Variants in CACNA1A observed in about 807,000 individuals in gnomAD.
CACNA1A encodes voltage-dependent P/Q-type calcium channel subunit alpha-1A.
A neutral mutation model predicts 262.4 loss-of-function variants in CACNA1A; 57 were observed. The observed-to-expected ratio is 0.22, with a 90% CI of 0.18 to 0.27. CACNA1A has a LOEUF of 0.27. Ranked by LOEUF, CACNA1A falls within the 10% of genes least tolerant of loss-of-function variation. CACNA1A has a pLI of 1.00. For missense variants in CACNA1A, 2,526 were observed against 3,562.8 expected, an observed-to-expected ratio of 0.71 and a Z score of 7.41; for synonymous variants, 1,431 against 1,419.3, an observed-to-expected ratio of 1.01 and a Z score of -0.18.
At position 13,207,662 on chromosome 19, in the gene CACNA1A, G is replaced by A. The variant is rs752420255; in HGVS notation, c.7172C>T (p.Pro2391Leu). Residue 2391 changes from proline (P) to leucine (L), a missense_variant, in exon 47 of 47, where the codon CCG becomes CTG. Pro to Leu is a moderately conservative substitution (Grantham distance 98). Around this residue, in one of 17 missense-constraint regions of CACNA1A, gnomAD observed 929 missense variants for 868.1 expected, o/e 1.07. Transcript: ENST00000360228. The surrounding 1 kb of genome is among the most constrained non-coding windows in gnomAD (Gnocchi z 5.7). The part of the protein sequence containing the change: ...RACRHGGARW[P>L]ASGPHVSEGP... The stretch of plus-strand genomic sequence containing the variant: ...CTCGGACACGTGCGGGCCAGATGCC[G>A]GCCACCGGGCCCCGCCGTGTCGACA... 9 of 1,441,384 alleles carry A rather than the reference G, an allele frequency of 6.2e-6. No homozygotes were observed. The highest frequency in any genetic ancestry group is 1.3e-5 in the South Asian group (1 of 74,502). 89.3% of individuals were successfully genotyped at this position (1,441,384 alleles called of 1,614,324 possible). A position where few individuals can be genotyped will look rare whatever the true frequency, so the allele number is the denominator to read the frequency against.
chr19:13,331,957 C>T (rs952275777), intron 9 of CACNA1A, among the ~76,000 whole-genome samples: 2 of 152,182 alleles, frequency 1.3e-5, no homozygotes, highest in Admixed American at 6.5e-5. Flanking sequence ...ACAGACAGAC[C>T]GCATCCAACC....
At chr19:13,275,534 T>C (rs925428663) in intron 24 of CACNA1A, 3 of 393,110 alleles carry the variant, frequency 7.6e-6, no homozygotes, top group South Asian at 2.7e-5. Flanking sequence ...TGTGGAGTAG[T>C]AGGGGGATGA....
chr19:13,449,347 C>T (rs944819787), intron 3 of CACNA1A, among the ~76,000 whole-genome samples: 18 of 152,052 alleles, frequency 1.2e-4, no homozygotes, highest in Admixed American at 1.2e-3. Flanking sequence ...GCTCTGTTGC[C>T]CAAGCTGGAG....
intron 3 of CACNA1A, among the ~76,000 whole-genome samples, chr19:13,437,691 CAAAAAA>C (rs35266881): frequency 1.4e-4 from 9 of 64,926 alleles, no homozygotes; most frequent in African/African-American, 3.4e-4. Context: ...AACCCCATCT[CAAAAAA>C]AAAAAAAAAA....
At chr19:13,298,233 C>T (rs1303280429) in intron 19 of CACNA1A, among the ~76,000 whole-genome samples, 2 of 148,908 alleles carry the variant, frequency 1.3e-5, no homozygotes, top group African/African-American at 5.0e-5. Context: ...TGTTTTCAGG[C>T]GATTCTCCTG....
intron 10 of CACNA1A, among the ~76,000 whole-genome samples, chr19:13,317,804 C>A (rs1322283555): frequency 6.6e-6 from 1 of 152,226 alleles, no homozygotes; most frequent in African/African-American, 2.4e-5. Flanking sequence ...CCTCTGCCTA[C>A]ATATAGTTTT....
At chr19:13,301,728 A>G (rs2057793350) in intron 17 of CACNA1A, among the ~76,000 whole-genome samples, 1 of 152,254 alleles carries the variant, frequency 6.6e-6, no homozygotes, top group Non-Finnish European at 1.5e-5. Context: ...GAACCCGCCC[A>G]TAAGAAAAGT....
intron 37 of CACNA1A, 148 bp from the exon 38 acceptor site, chr19:13,224,920 A>C (rs2144596101): frequency 1.7e-6 from 1 of 589,154 alleles, no homozygotes; most frequent in Non-Finnish European, 3.1e-6. Flanking sequence ...TACCTGTCCC[A>C]GTACTCAGTT....
chr19:13,348,999 C>T (rs1262683916), intron 6 of CACNA1A, among the ~76,000 whole-genome samples: 4 of 115,940 alleles, frequency 3.5e-5, no homozygotes, highest in East Asian at 3.5e-4. Flanking sequence ...CAGAGTGAGA[C>T]GCTGTCTCAA....
intron 19 of CACNA1A, among the ~76,000 whole-genome samples, chr19:13,293,440 T>TTTTTG (rs2057589374): frequency 1.8e-5 from 1 of 56,268 alleles, no homozygotes; most frequent in Non-Finnish European, 3.5e-5. Flanking sequence ...CAGTTAAATC[T>TTTTTG]TTTTTTTTTT....
intron 3 of CACNA1A, among the ~76,000 whole-genome samples, chr19:13,387,957 T>C (rs2059643306): frequency 6.6e-6 from 1 of 151,934 alleles, no homozygotes; most frequent in South Asian, 2.1e-4. Context: ...AATAGGCAGA[T>C]TAGGGGAGTG....
At chr19:13,355,330 G>C (rs1413182405) in intron 6 of CACNA1A, among the ~76,000 whole-genome samples, 7 of 152,206 alleles carry the variant, frequency 4.6e-5, no homozygotes, top group Non-Finnish European at 8.8e-5. Context: ...TGTCAGCTCT[G>C]CTAACATCTT....
In CACNA1A at chr19:13,299,034, G is replaced by C; in HGVS notation, c.2599C>G (p.Arg867Gly). The change falls in exon 19 of 47, where the codon CGG (arginine) becomes GGG (glycine). Residue 867 changes from arginine (R) to glycine (G), a missense_variant. By Grantham distance (125) the Arg-to-Gly change is moderately radical. Transcript: ENST00000360228. ...FLRKQARYHDRARDPSGSAGL... is the reference protein window; with the variant it reads ...FLRKQARYHDGARDPSGSAGL... ...GCCGAGCCGCTGGGGTCCCGGGCCC[G>C]ATCGTGGTAGCGGGCCTGTTTCCTG... 1 of 1,595,488 alleles carries C rather than the reference G, an allele frequency of 6.3e-7. No individual in the cohort carries two copies.
intron 1 of CACNA1A, among the ~76,000 whole-genome samples, chr19:13,461,353 A>G (rs1169454829): frequency 6.6e-6 from 1 of 151,592 alleles, no homozygotes; most frequent in African/African-American, 2.4e-5. Context: ...AACAAAACAA[A>G]ACAAAACAAA....
intron 1 of CACNA1A, among the ~76,000 whole-genome samples, chr19:13,493,488 T>G (rs564506616): frequency 2.1e-4 from 32 of 152,212 alleles, no homozygotes; most frequent in Non-Finnish European, 4.3e-4. Flanking sequence ...AAAAGTCCCC[T>G]TGGGGGAAAA....
intron 3 of CACNA1A, chr19:13,451,208 G>A (rs1405568238): frequency 1.3e-5 from 2 of 152,262 alleles, no homozygotes; most frequent in African/African-American, 4.8e-5. Flanking sequence ...CAGCCCAATA[G>A]GCCACAGCTC....
chr19:13,210,782 A>G, intron 43 of CACNA1A, 130 bp from the exon 44 acceptor site: 4 of 949,744 alleles, frequency 4.2e-6, no homozygotes, highest in South Asian at 1.4e-5. Flanking sequence ...ACTGGCATCA[A>G]GAGAAATCGG....
chr19:13,245,124 C>T, intron 31 of CACNA1A, 58 bp downstream of exon 31: 1 of 1,397,734 alleles, frequency 7.2e-7, no homozygotes, highest in South Asian at 1.2e-5. Flanking sequence ...CCCCCGCCCC[C>T]TGCCGCCTGC....
In CACNA1A at chr19:13,264,017, A is replaced by C. The variant is rs528953943; in HGVS notation, c.3990-1184T>G. On this transcript the variant is annotated intron_variant, in intron 24 of 46. Transcript: ENST00000360228. The stretch of plus-strand genomic sequence containing the variant: ...TTCAGATGCTGATGTGGCTGCTGCC[A>C]TGGTCTCTGCTGCATTGCTCCAAGG... Among the ~76,000 whole-genome samples the C allele has an allele frequency of 4.6e-5, 7 of 152,256 alleles. No individual in the cohort carries two copies. In the South Asian group the frequency reaches 1.5e-3, roughly 32 times the overall value.
Sources: allele counts gnomAD v4.1 joint callset (sites outside exome capture counted in the v4.1 genomes callset), GRCh38; gene constraint gnomAD v4.1.1; regional missense constraint gnomAD v4.1.1; non-coding constraint Gnocchi (gnomAD v3.1); transcripts MANE v1.5; gene names NCBI Gene and HGNC (gene_info 2026-07-23, HGNC 2026-07-21).